Variants in ADRA1B observed in about 807,000 individuals in gnomAD.
ADRA1B encodes the protein adrenoceptor alpha 1B.
A neutral mutation model predicts 17.9 loss-of-function variants in ADRA1B; 17 were observed. That is an observed-to-expected ratio of 0.95 (90% CI 0.65 to 1.42). ADRA1B has a LOEUF of 1.42. Among genes scored for constraint, ADRA1B ranks in the 40% most tolerant of loss-of-function variants. The probability of loss-of-function intolerance (pLI) is 0.00; values close to 1 mark genes in which losing one functional copy is unlikely to be tolerated. For synonymous variants in ADRA1B, 366 were observed against 327.6 expected, an observed-to-expected ratio of 1.12 and a Z score of -1.27; for missense variants, 681 against 722.1, an observed-to-expected ratio of 0.94 and a Z score of 0.65.
chr5:159,920,207 AT>A (rs1311154261), intron 1 of ADRA1B, among the ~76,000 whole-genome samples: 3 of 151,958 alleles, frequency 2.0e-5, no homozygotes, highest in Non-Finnish European at 4.4e-5. Flanking sequence ...TGGCCAGAAA[AT>A]TTCTCAGTTT....
At chr5:159,950,444 G>T in intron 1 of ADRA1B, 1 of 941,952 alleles carries the variant, frequency 1.1e-6, no homozygotes, top group Non-Finnish European at 1.7e-6. Context: ...ATCAGTGAGG[G>T]CTTCTCGCTT....
At chr5:159,916,412 AC>A (rs1754304686), upstream of ADRA1B, 1 of 151,304 alleles carries the variant, frequency 6.6e-6, no homozygotes, top group Non-Finnish European at 1.5e-5. Context: ...CCTTGGCTGG[AC>A]CCGCATTGCC....
intron 1 of ADRA1B, among the ~76,000 whole-genome samples, chr5:159,873,298 G>A (rs1215361803): frequency 2.0e-5 from 3 of 152,156 alleles, no homozygotes; most frequent in African/African-American, 7.2e-5. Flanking sequence ...CCCAAGATCT[G>A]GGCTTTTTGA....
At chr5:159,934,817 C>CA (rs111598190) in intron 1 of ADRA1B, among the ~76,000 whole-genome samples, 1,766 of 116,724 alleles carry the variant, frequency 0.015, 19 homozygotes, top group African/African-American at 0.038. Flanking sequence ...GACTCCATCT[C>CA]AAAAAAAAAA....
intron 1 of ADRA1B, among the ~76,000 whole-genome samples, chr5:159,963,989 C>CG (rs1561610348): frequency 1.3e-5 from 2 of 151,912 alleles, no homozygotes; most frequent in Non-Finnish European, 2.9e-5. Flanking sequence ...CACCCCACCC[C>CG]GGAAAAAAAA....
At chr5:159,865,371 A>G (rs1053790886) in intron 1 of ADRA1B, among the ~76,000 whole-genome samples, 12 of 149,084 alleles carry the variant, frequency 8.0e-5, no homozygotes, top group East Asian at 1.9e-4. Context: ...TGCTTTGGGG[A>G]AAAAAAAAAC....
intron 1 of ADRA1B, chr5:159,868,466 A>T (rs993670627): frequency 6.6e-6 from 1 of 152,248 alleles, no homozygotes; most frequent in Non-Finnish European, 1.5e-5. Flanking sequence ...GGAAGTTTCC[A>T]CAAGGTATTG....
chr5:159,932,540 C>G (rs1228180190), intron 1 of ADRA1B, among the ~76,000 whole-genome samples: 1 of 152,116 alleles, frequency 6.6e-6, no homozygotes, highest in Admixed American at 6.6e-5. Context: ...TGTAAACAAG[C>G]CATTTACACC....
At chr5:159,881,254 G>A (rs1376119132) in intron 1 of ADRA1B, among the ~76,000 whole-genome samples, 1 of 144,110 alleles carries the variant, frequency 6.9e-6, no homozygotes, top group Admixed American at 6.9e-5. Flanking sequence ...ACAGGTAAAT[G>A]TAGAAGATTA....
chr5:159,955,103 A>G, intron 1 of ADRA1B: 1 of 974,200 alleles, frequency 1.0e-6, no homozygotes, highest in Non-Finnish European at 1.2e-6. Context: ...ATGCCAGGCA[A>G]TGTGCTTAGC....
In ADRA1B at chr5:159,972,090, C is replaced by G; in HGVS notation, c.1161C>G (p.Thr387=). 1 of 1,295,192 alleles carries G rather than the reference C, an allele frequency of 7.7e-7. No homozygotes were observed. Among genetic ancestry groups the G allele is most frequent in the Non-Finnish European group, 9.8e-7 (1 of 1,017,376 alleles). The allele number at this position is 1,295,192 out of a possible 1,614,324, so 80.2% of individuals were successfully genotyped here. A position where few individuals can be genotyped will look rare whatever the true frequency, so the allele number is the denominator to read the frequency against. Reference sequence around the variant, plus strand: ...GTCGCCTGGGCGGCTGCGCCTACACCTACCGGCCGTGGACGCGCGGCGGCT... The same window carrying G: ...GTCGCCTGGGCGGCTGCGCCTACACGTACCGGCCGTGGACGCGCGGCGGCT... ...RRRRLGGCAY[T]YRPWTRGGSL... The change falls in exon 2 of 2, where the codon ACC becomes ACG. Residue 387 remains threonine, a synonymous_variant. Transcript: ENST00000306675.
At chr5:159,866,480 T>C (rs1753654914) in intron 1 of ADRA1B, among the ~76,000 whole-genome samples, 1 of 149,226 alleles carries the variant, frequency 6.7e-6, no homozygotes, top group Admixed American at 6.7e-5. Flanking sequence ...CTAGCTACTC[T>C]GGAGGCTGAG....
At chr5:159,980,047 T>C in the ADRA1B span, among the ~76,000 whole-genome samples, 3 of 151,696 alleles carry the variant, frequency 2.0e-5, no homozygotes, top group Non-Finnish European at 2.9e-5. Flanking sequence ...AGATTTGCCA[T>C]AGAAGAGGGA....
chr5:159,927,763 G>A (rs909980335), intron 1 of ADRA1B, among the ~76,000 whole-genome samples: 3 of 152,000 alleles, frequency 2.0e-5, no homozygotes, highest in Non-Finnish European at 2.9e-5. Context: ...TGTTTATAGT[G>A]CAGACGTCCA....
the ADRA1B span, among the ~76,000 whole-genome samples, chr5:159,979,642 C>A: frequency 6.6e-6 from 1 of 151,950 alleles, no homozygotes; most frequent in East Asian, 1.9e-4. Flanking sequence ...CCGTGGAGGG[C>A]GGATCACCGG....
downstream of ADRA1B, among the ~76,000 whole-genome samples, chr5:159,976,383 G>A (rs535246473): frequency 4.6e-5 from 7 of 152,154 alleles, no homozygotes; most frequent in African/African-American, 1.4e-4. Flanking sequence ...GGCTGGGTGC[G>A]GTGGCTCACA....
intron 1 of ADRA1B, among the ~76,000 whole-genome samples, chr5:159,926,386 C>T (rs1581039649): frequency 6.6e-6 from 1 of 152,176 alleles, no homozygotes; most frequent in African/African-American, 2.4e-5. Context: ...ATGTGCACAA[C>T]TTTTGCAGCA....
chr5:159,879,005 C>G (rs1022855819), intron 1 of ADRA1B, among the ~76,000 whole-genome samples: 1 of 152,140 alleles, frequency 6.6e-6, no homozygotes, highest in Non-Finnish European at 1.5e-5. Flanking sequence ...TACATCCTCA[C>G]CCCGGCCCTG....
At chr5:159,975,916 G>A (rs1462795334), downstream of ADRA1B, among the ~76,000 whole-genome samples, 1 of 152,128 alleles carries the variant, frequency 6.6e-6, no homozygotes, top group Non-Finnish European at 1.5e-5. Flanking sequence ...ACTGAAGCAT[G>A]CACAGGAATA....
Sources: gnomAD v4.1 joint callset for allele counts (sites outside exome capture counted in the v4.1 genomes callset) on GRCh38, gnomAD v4.1.1 for gene constraint, MANE v1.5 for transcripts, NCBI Gene and HGNC (gene_info 2026-07-23, HGNC 2026-07-21) for gene names.